GRK5: variants seen among roughly 807,000 people sequenced by gnomAD.
The protein encoded by GRK5 is g protein-coupled receptor kinase GRK5.
GRK5 carries 40 observed loss-of-function variants against 78.4 expected under a neutral mutation model. The ratio of observed to expected loss-of-function variants is 0.51; its 90% CI spans 0.40 to 0.66. The LOEUF (loss-of-function observed/expected upper bound fraction) is 0.66. Ranked by LOEUF, GRK5 falls within the 30% of genes least tolerant of loss-of-function variation. The probability of loss-of-function intolerance (pLI) is 0.00; values close to 1 mark genes in which losing one functional copy is unlikely to be tolerated. For missense variants in GRK5, 598 were observed against 759.9 expected (o/e 0.79, Z 2.50); for synonymous variants, 289 against 296.8 (o/e 0.97, Z 0.27).
chr10:119,241,646 T>C (rs931799518), intron 1 of GRK5, among the ~76,000 whole-genome samples: 12 of 152,314 alleles, frequency 7.9e-5, no homozygotes, highest in African/African-American at 2.9e-4. Context: ...GCCCAGGCCC[T>C]GAGACAGTCG....
intron 2 of GRK5, among the ~76,000 whole-genome samples, chr10:119,338,721 GC>G (rs56319711): frequency 0.044 from 6,761 of 152,152 alleles, 212 homozygotes; most frequent in African/African-American, 0.088. Context: ...ATCCACCCAG[GC>G]CCCCGGTCTC....
At chr10:119,247,325 A>G (rs1219547706) in intron 1 of GRK5, among the ~76,000 whole-genome samples, 1 of 152,242 alleles carries the variant, frequency 6.6e-6, no homozygotes, top group African/African-American at 2.4e-5. Context: ...GATGACCTGG[A>G]GGCTGGATTT....
intron 2 of GRK5, among the ~76,000 whole-genome samples, chr10:119,345,166 C>T (rs1159590881): frequency 6.6e-6 from 1 of 152,048 alleles, no homozygotes; most frequent in Non-Finnish European, 1.5e-5. Context: ...GACGGGATTT[C>T]ACCGTGTTAG....
chr10:119,274,245 G>T (rs1460629417), intron 1 of GRK5, among the ~76,000 whole-genome samples: 1 of 152,182 alleles, frequency 6.6e-6, no homozygotes, highest in Non-Finnish European at 1.5e-5. Flanking sequence ...GGTGACATGG[G>T]AGACTGTGGT....
rs1217771394 is a variant in GRK5, at chr10:119,454,894, GC to G, written c.1675-71del. The G allele has an allele frequency of 1.2e-5, 12 of 961,174 alleles. No homozygotes were observed. In the Admixed American group the frequency reaches 1.6e-4, roughly 13 times the overall value. The allele number at this position is 961,174 out of a possible 1,614,324, so 59.5% of individuals were successfully genotyped here. A position where few individuals can be genotyped will look rare whatever the true frequency, so the allele number is the denominator to read the frequency against. On this transcript the variant is annotated intron_variant, in intron 15 of 15. Transcript: ENST00000392870. ...GCAAGGGTTGGAGCAGGCAGAGGCA[GC>G]CCCGACCCATCCCCAGGGCTCCCAG...
chr10:119,415,725 A>G lies in GRK5; in HGVS notation c.340-7441A>G, dbSNP rs533224555. Among the ~76,000 whole-genome samples the G allele has an allele frequency of 7.0e-4, 106 of 152,274 alleles. 1 individual carries two copies. The highest frequency in any genetic ancestry group is 2.2e-3 in the African/African-American group (93 of 41,550). On this transcript the variant is annotated intron_variant, in intron 4 of 15. Transcript: ENST00000392870. The stretch of plus-strand genomic sequence containing the variant: ...GACTGGGGCCAAGGAGGCCAAAGCC[A>G]TGTCCTTCCTAGAGGGCTGGCTCAG...
chr10:119,236,890 C>T (rs887823770), intron 1 of GRK5, among the ~76,000 whole-genome samples: 3 of 151,948 alleles, frequency 2.0e-5, no homozygotes, highest in African/African-American at 7.2e-5. Context: ...CTTTGGCCTC[C>T]CAAAGTGCAG....
Position 119,288,544 on chromosome 10 carries a change from G to A in GRK5, c.53-37972G>A, listed in dbSNP as rs191241171. Among the ~76,000 whole-genome samples, 56 of 152,306 alleles carry A rather than the reference G, an allele frequency of 3.7e-4. 1 individual carries two copies. The South Asian group carries it at 4.1e-3, about 11-fold the overall frequency. ...ATAGGCCAAGCTGAGGGACCATCCC[G>A]TGTCTGTGACCCTGCCCTGGAGTGG... On this transcript the variant is annotated intron_variant, in intron 1 of 15. Coordinates refer to ENST00000392870, the MANE Select transcript of GRK5 (RefSeq NM_005308.3).
chr10:119,439,847 G>C, intron 10 of GRK5, 79 bp downstream of exon 10: 1 of 1,420,588 alleles, frequency 7.0e-7, no homozygotes, highest in Non-Finnish European at 9.9e-7. Flanking sequence ...GATTCTCAGA[G>C]AGGGCTGGGG....
At chr10:119,450,474 G>A (rs1403181910) in intron 13 of GRK5, among the ~76,000 whole-genome samples, 1 of 152,220 alleles carries the variant, frequency 6.6e-6, no homozygotes, top group Non-Finnish European at 1.5e-5. Context: ...GAAGAGAACA[G>A]GCAGCCTCCG....
intron 2 of GRK5, among the ~76,000 whole-genome samples, chr10:119,348,266 T>TCATC (rs2133794842): frequency 6.6e-6 from 1 of 152,354 alleles, no homozygotes; most frequent in Non-Finnish European, 1.5e-5. Context: ...TCATCTGATG[T>TCATC]CATCGGGGGA....
intron 13 of GRK5, among the ~76,000 whole-genome samples, chr10:119,449,575 C>T (rs566527562): frequency 1.3e-5 from 2 of 152,128 alleles, no homozygotes; most frequent in Admixed American, 1.3e-4. Flanking sequence ...CTGAGGCAGT[C>T]GGGTTAGGAG....
intron 1 of GRK5, among the ~76,000 whole-genome samples, chr10:119,299,795 TGTG>T (rs1305811806): frequency 3.0e-4 from 1 of 3,332 alleles, no homozygotes; most frequent in Non-Finnish European, 7.0e-4. Context: ...TTTAAGCAGA[TGTG>T]TGTGTGTGTG....
chr10:119,402,769 G>A (rs936543418), intron 4 of GRK5, among the ~76,000 whole-genome samples: 6 of 152,168 alleles, frequency 3.9e-5, no homozygotes, highest in African/African-American at 7.2e-5. Flanking sequence ...TACAAGAATC[G>A]CTTGAACCAG....
intron 4 of GRK5, among the ~76,000 whole-genome samples, chr10:119,418,567 C>T (rs1396697225): frequency 6.6e-6 from 1 of 151,692 alleles, no homozygotes; most frequent in Admixed American, 6.5e-5. Flanking sequence ...GTCACCCTGA[C>T]TGTCATCAGA....
intron 1 of GRK5, among the ~76,000 whole-genome samples, chr10:119,295,404 T>C (rs924742203): frequency 1.3e-5 from 2 of 151,988 alleles, no homozygotes; most frequent in African/African-American, 4.8e-5. Context: ...TGGAAAACCA[T>C]GTGGAGGTCC....
At chr10:119,255,712 A>G (rs557915886) in intron 1 of GRK5, among the ~76,000 whole-genome samples, 215 of 152,222 alleles carry the variant, frequency 1.4e-3, no homozygotes, top group African/African-American at 5.1e-3. Context: ...TTTTCTGCCC[A>G]TTCTCCCAGA....
At chr10:119,435,859 A>G (rs1388639372) in intron 8 of GRK5, among the ~76,000 whole-genome samples, 1 of 152,248 alleles carries the variant, frequency 6.6e-6, no homozygotes, top group Admixed American at 6.5e-5. Context: ...TTTACAAAAG[A>G]AAGAGGTTTA....
At chr10:119,342,323 G>C (rs1010224752) in intron 2 of GRK5, among the ~76,000 whole-genome samples, 5 of 152,252 alleles carry the variant, frequency 3.3e-5, no homozygotes, top group African/African-American at 1.2e-4. Context: ...GGAGACAGCA[G>C]TGAGGAACAT....
Sources: gnomAD v4.1 joint callset for allele counts (sites outside exome capture counted in the v4.1 genomes callset) on GRCh38, gnomAD v4.1.1 for gene constraint, MANE v1.5 for transcripts, NCBI Gene and HGNC (gene_info 2026-07-23, HGNC 2026-07-21) for gene names.